The following CSMD1 variants were observed in gnomAD, a reference collection of about 807,000 sequenced individuals.
CSMD1 encodes CUB and sushi domain-containing protein 1.
In CSMD1, 213 loss-of-function variants were observed where a neutral mutation model predicts 417.5. That is an observed-to-expected ratio of 0.51 (90% CI 0.46 to 0.57). The LOEUF (loss-of-function observed/expected upper bound fraction) is 0.57. Ranked by LOEUF, CSMD1 falls within the 20% of genes least tolerant of loss-of-function variation. The pLI is 0.00. For synonymous variants in CSMD1, 2,862 were observed against 1,736.8 expected (o/e 1.65, Z -16.11); for missense variants, 6,923 against 4,529.7 (o/e 1.53, Z -15.17).
chr8:4,170,647 C>A (rs1187125641), intron 3 of CSMD1, among the ~76,000 whole-genome samples: 1 of 151,574 alleles, frequency 6.6e-6, no homozygotes, highest in African/African-American at 2.4e-5. Flanking sequence ...TTATTACATT[C>A]ACTTAAGAGA....
chr8:3,657,524 G>T (rs530191452), intron 7 of CSMD1, among the ~76,000 whole-genome samples: 1 of 152,058 alleles, frequency 6.6e-6, no homozygotes, highest in Non-Finnish European at 1.5e-5. Context: ...CATAAAAAAG[G>T]GTGAGTTCAT....
intron 3 of CSMD1, among the ~76,000 whole-genome samples, chr8:4,154,369 G>T (rs562137432): frequency 6.6e-6 from 1 of 152,200 alleles, no homozygotes; most frequent in Admixed American, 6.5e-5. Context: ...TCCATGTTTT[G>T]TGACATATAT....
intron 51 of CSMD1, among the ~76,000 whole-genome samples, chr8:3,028,270 C>T (rs964993544): frequency 6.6e-6 from 1 of 152,186 alleles, no homozygotes. Flanking sequence ...CTTACCGGTG[C>T]TAATGCTGGA....
chr8:4,408,946 G>T (rs1034311863), intron 3 of CSMD1, among the ~76,000 whole-genome samples: 1 of 152,168 alleles, frequency 6.6e-6, no homozygotes, highest in African/African-American at 2.4e-5. Context: ...TTTACATGTT[G>T]CATTCAAATT....
chr8:2,978,824 A>G, intron 54 of CSMD1, 24 bp from the exon 55 acceptor site: 1 of 1,560,746 alleles, frequency 6.4e-7, no homozygotes, highest in Non-Finnish European at 8.7e-7. Flanking sequence ...CATTTCACAC[A>G]CCATTTAGAA....
intron 25 of CSMD1, among the ~76,000 whole-genome samples, chr8:3,306,489 T>C (rs538456501): frequency 2.0e-5 from 3 of 152,274 alleles, no homozygotes; most frequent in African/African-American, 7.2e-5. Context: ...TAACTTTTTT[T>C]CAGCTTCACG....
intron 1 of CSMD1, among the ~76,000 whole-genome samples, chr8:4,767,559 G>A (rs1449439230): frequency 6.6e-6 from 1 of 152,064 alleles, no homozygotes; most frequent in Non-Finnish European, 1.5e-5. Context: ...TGTGTGTTCT[G>A]GGGCCTCTCC....
At chr8:4,938,664 G>A (rs763587823) in intron 1 of CSMD1, among the ~76,000 whole-genome samples, 1 of 152,112 alleles carries the variant, frequency 6.6e-6, no homozygotes, top group African/African-American at 2.4e-5. Context: ...TGAACTCCAG[G>A]ATCAAGCCTC....
chr8:3,933,931 A>G (rs1172922482), intron 5 of CSMD1, among the ~76,000 whole-genome samples: 1 of 152,112 alleles, frequency 6.6e-6, no homozygotes, highest in Admixed American at 6.5e-5. Context: ...AAATGCGATG[A>G]AAAACCAGCC....
intron 10 of CSMD1, among the ~76,000 whole-genome samples, chr8:3,528,073 T>C (rs1396853601): frequency 6.6e-6 from 1 of 152,128 alleles, no homozygotes; most frequent in Admixed American, 6.5e-5. Flanking sequence ...ACCACCCCCA[T>C]ATAAGAACCA....
At chr8:3,392,358 T>C (rs1811402840) in intron 17 of CSMD1, among the ~76,000 whole-genome samples, 1 of 152,080 alleles carries the variant, frequency 6.6e-6, no homozygotes, top group Non-Finnish European at 1.5e-5. Context: ...GTTGGATGAG[T>C]GAGTGTAATC....
At chr8:3,894,985 C>A (rs1254047037) in intron 5 of CSMD1, among the ~76,000 whole-genome samples, 3 of 152,166 alleles carry the variant, frequency 2.0e-5, no homozygotes, top group African/African-American at 7.2e-5. Context: ...AATCATGAAT[C>A]TCCCATTTGG....
At chr8:3,959,605 C>G (rs1491002655) in intron 5 of CSMD1, among the ~76,000 whole-genome samples, 1 of 152,218 alleles carries the variant, frequency 6.6e-6, no homozygotes, top group African/African-American at 2.4e-5. Flanking sequence ...TGACCAAATG[C>G]TCCAAATCAC....
chr8:3,744,965 C>G lies in CSMD1; in HGVS notation c.931+8965G>C, dbSNP rs367861632. On this transcript the variant is annotated intron_variant, in intron 6 of 69. Coordinates refer to ENST00000635120, the MANE Select transcript of CSMD1 (RefSeq NM_033225.6). ...GGCTTTAATGAGGACAGGGCTGAGG[C>G]CTTTTGTAGTAAAGCCTAGAGTAGC... Among the ~76,000 whole-genome samples the G allele has an allele frequency of 4.6e-5, 7 of 152,136 alleles. No individual in the cohort carries two copies. In the South Asian group the frequency reaches 6.2e-4, roughly 13 times the overall value.
At chr8:3,027,287 T>C (rs539180833) in intron 51 of CSMD1, among the ~76,000 whole-genome samples, 2 of 152,172 alleles carry the variant, frequency 1.3e-5, no homozygotes, top group African/African-American at 2.4e-5. Context: ...TGGTGTGGAA[T>C]TGGTTCTCTG....
intron 5 of CSMD1, among the ~76,000 whole-genome samples, chr8:3,980,379 G>A (rs1227557973): frequency 6.7e-5 from 6 of 89,074 alleles, no homozygotes; most frequent in Admixed American, 2.9e-4. Flanking sequence ...TATTTTAAGT[G>A]TTGACCTATT....
At position 4,684,267 on chromosome 8, in the gene CSMD1, A is replaced by G. The variant is rs7815954; in HGVS notation, c.86-46709T>C. On this transcript the variant is annotated intron_variant, in intron 1 of 69. Transcript: ENST00000635120. ...AACTTTCTACAATAAGTGTGCATTGATTTTTAATCGTGCAAAAAATAGGAG... is the reference window on the plus strand; with the variant it reads ...AACTTTCTACAATAAGTGTGCATTGGTTTTTAATCGTGCAAAAAATAGGAG... Among the ~76,000 whole-genome samples, 332 of 152,328 alleles carry G rather than the reference A, an allele frequency of 2.2e-3. 3 individuals carry two copies. Among genetic ancestry groups the G allele is most frequent in the African/African-American group, 7.6e-3 (318 of 41,578 alleles).
chr8:3,207,489 CAT>C (rs1293616606), intron 30 of CSMD1, among the ~76,000 whole-genome samples: 7 of 151,970 alleles, frequency 4.6e-5, no homozygotes, highest in Admixed American at 1.3e-4. Context: ...TTAGAGATAA[CAT>C]GTTTAATTCT....
At chr8:4,864,329 G>A (rs553868122) in intron 1 of CSMD1, among the ~76,000 whole-genome samples, 34 of 151,524 alleles carry the variant, frequency 2.2e-4, no homozygotes, top group Admixed American at 2.0e-3. Flanking sequence ...CCAAATTGAC[G>A]ACATATAATT....
Sources: allele counts gnomAD v4.1 joint callset (sites outside exome capture counted in the v4.1 genomes callset), GRCh38; gene constraint gnomAD v4.1.1; transcripts MANE v1.5; gene names NCBI Gene and HGNC (gene_info 2026-07-23, HGNC 2026-07-21).